HPSE2: variants seen among roughly 807,000 people sequenced by gnomAD.
HPSE2 encodes inactive heparanase-2.
In HPSE2, 38 loss-of-function variants were observed where a neutral mutation model predicts 60.5. The observed-to-expected ratio is 0.63, with a 90% CI of 0.48 to 0.82. The LOEUF is 0.82. Ranked by LOEUF, HPSE2 falls within the 40% of genes least tolerant of loss-of-function variation. The pLI is 0.00. For synonymous variants in HPSE2, 295 were observed against 293.2 expected, an observed-to-expected ratio of 1.01 and a Z score of -0.06; for missense variants, 713 against 740.4, an observed-to-expected ratio of 0.96 and a Z score of 0.43.
At chr10:99,108,673 A>G (rs1844341300) in intron 3 of HPSE2, among the ~76,000 whole-genome samples, 1 of 152,238 alleles carries the variant, frequency 6.6e-6, no homozygotes, top group Non-Finnish European at 1.5e-5. Flanking sequence ...TAGAAAATTT[A>G]GAAGTCCCTC....
At chr10:99,061,020 T>A (rs1485607535) in intron 3 of HPSE2, among the ~76,000 whole-genome samples, 1 of 152,108 alleles carries the variant, frequency 6.6e-6, no homozygotes, top group Non-Finnish European at 1.5e-5. Context: ...TAAAAAAGTT[T>A]AAGCTCACAG....
chr10:98,737,175 C>A (rs1397805358), intron 4 of HPSE2, among the ~76,000 whole-genome samples: 1 of 152,028 alleles, frequency 6.6e-6, no homozygotes. Flanking sequence ...AAATAATTGA[C>A]AATATGTGTG....
chr10:99,150,243 C>G (rs1316037774), intron 2 of HPSE2, among the ~76,000 whole-genome samples: 1 of 152,170 alleles, frequency 6.6e-6, no homozygotes, highest in Non-Finnish European at 1.5e-5. Context: ...CACAACTTTT[C>G]CATAAACTAA....
chr10:98,561,163 T>TG lies in HPSE2; in HGVS notation c.1320+53740_1320+53741insC, dbSNP rs1424693164. 2.3e-4 allele frequency among the ~76,000 whole-genome samples: 11 copies of TG among 48,084 alleles called. 1 individual carries two copies. The highest frequency in any genetic ancestry group is 2.4e-3 in the East Asian group (1 of 424). 31.5% of individuals were successfully genotyped at this position (48,084 alleles called of 152,430 possible). A position where few individuals can be genotyped will look rare whatever the true frequency, so the allele number is the denominator to read the frequency against. ...AAGAAAGTGATACTGGTTTTTTTTT[T>TG]TGTTCTTTTTTTTGTTTTTTTGACA... is the stretch of plus-strand genomic sequence containing the variant. On this transcript the variant is annotated intron_variant, in intron 9 of 11. Coordinates refer to ENST00000370552, the MANE Select transcript of HPSE2 (RefSeq NM_021828.5).
At chr10:99,037,748 C>A (rs1433920282) in intron 3 of HPSE2, among the ~76,000 whole-genome samples, 1 of 151,844 alleles carries the variant, frequency 6.6e-6, no homozygotes, top group African/African-American at 2.4e-5. Context: ...TTCAATAATA[C>A]CTTGCCTATT....
At chr10:99,132,465 A>G (rs1845480276) in intron 3 of HPSE2, among the ~76,000 whole-genome samples, 1 of 152,152 alleles carries the variant, frequency 6.6e-6, no homozygotes, top group South Asian at 2.1e-4. Flanking sequence ...ATGGCCGAAT[A>G]GGAGAAGCTC....
chr10:99,245,220 C>A, the HPSE2 span, among the ~76,000 whole-genome samples: 1 of 152,144 alleles, frequency 6.6e-6, no homozygotes, highest in South Asian at 2.1e-4. Flanking sequence ...TCACCCCTGG[C>A]TGCACATTAA....
chr10:98,760,349 T>C (rs940772724), intron 3 of HPSE2, among the ~76,000 whole-genome samples: 1 of 152,152 alleles, frequency 6.6e-6, no homozygotes, highest in African/African-American at 2.4e-5. Context: ...TGAATATAAG[T>C]GATAAGAATG....
At chr10:98,952,522 T>C (rs1346916438) in intron 3 of HPSE2, among the ~76,000 whole-genome samples, 1 of 152,186 alleles carries the variant, frequency 6.6e-6, no homozygotes, top group East Asian at 1.9e-4. Flanking sequence ...TCAGTTTGCT[T>C]TTCTCTTAGA....
At chr10:99,113,164 A>T (rs1844540221) in intron 3 of HPSE2, among the ~76,000 whole-genome samples, 1 of 152,212 alleles carries the variant, frequency 6.6e-6, no homozygotes, top group South Asian at 2.1e-4. Flanking sequence ...CCATTCATTG[A>T]GTGCATGGCT....
the HPSE2 span, among the ~76,000 whole-genome samples, chr10:99,283,547 A>G: frequency 6.6e-6 from 1 of 151,936 alleles, no homozygotes; most frequent in South Asian, 2.1e-4. Context: ...TAAAGGGAAA[A>G]TCAACAATAT....
chr10:98,802,300 AT>A lies in HPSE2; in HGVS notation c.611-58245del, dbSNP rs35153153. 1.3e-4 allele frequency among the ~76,000 whole-genome samples: 19 copies of A among 148,750 alleles called. 1 individual carries two copies. In the East Asian group the frequency reaches 2.9e-3, roughly 23 times the overall value. The stretch of plus-strand genomic sequence containing the variant: ...TCTTTTTTTTAAATTTTCTCTTTTT[AT>A]TTTTTTTTTGAGTTAATTTTTTAAA... On this transcript the variant is annotated intron_variant, in intron 3 of 11. Transcript: ENST00000370552.
intron 3 of HPSE2, among the ~76,000 whole-genome samples, chr10:98,779,492 A>T (rs1950417983): frequency 6.6e-6 from 1 of 152,170 alleles, no homozygotes; most frequent in Admixed American, 6.6e-5. Context: ...TTCAGGGGAT[A>T]GCTCAGGCAA....
intron 2 of HPSE2, among the ~76,000 whole-genome samples, chr10:99,184,807 TATATATATATATAGAGAGAG>T (rs1847921016): frequency 5.5e-5 from 2 of 36,162 alleles, no homozygotes; most frequent in African/African-American, 1.2e-4. Context: ...TATATATATA[TATATATATATATAGAGAGAG>T]AGAGAGAGAG....
intron 3 of HPSE2, among the ~76,000 whole-genome samples, chr10:98,870,596 T>C (rs1232882805): frequency 6.6e-6 from 1 of 152,094 alleles, no homozygotes; most frequent in Non-Finnish European, 1.5e-5. Flanking sequence ...TACAAAATAC[T>C]AAATGCAAAA....
chr10:99,056,979 A>G (rs1958129100), intron 3 of HPSE2, among the ~76,000 whole-genome samples: 1 of 152,144 alleles, frequency 6.6e-6, no homozygotes, highest in Admixed American at 6.6e-5. Flanking sequence ...CTTAAACAAG[A>G]AACAAAAGAG....
At chr10:99,046,493 GA>G (rs1481432875) in intron 3 of HPSE2, among the ~76,000 whole-genome samples, 3 of 151,864 alleles carry the variant, frequency 2.0e-5, no homozygotes, top group African/African-American at 7.3e-5. Context: ...AATCAGGCAA[GA>G]AAAAAAGAAA....
At chr10:99,227,573 T>C (rs1415709471) in intron 2 of HPSE2, among the ~76,000 whole-genome samples, 2 of 151,950 alleles carry the variant, frequency 1.3e-5, no homozygotes, top group African/African-American at 2.4e-5. Flanking sequence ...CATGGGAATA[T>C]GTGTTGAAAG....
intron 6 of HPSE2, among the ~76,000 whole-genome samples, chr10:98,682,384 C>G (rs1947809302): frequency 6.6e-6 from 1 of 152,194 alleles, no homozygotes; most frequent in African/African-American, 2.4e-5. Context: ...ATAAGTTACT[C>G]TGTCTCAGGT....
Sources: allele counts gnomAD v4.1 joint callset (sites outside exome capture counted in the v4.1 genomes callset), GRCh38; gene constraint gnomAD v4.1.1; transcripts MANE v1.5; gene names NCBI Gene and HGNC (gene_info 2026-07-23, HGNC 2026-07-21).